TTC24: variants seen among roughly 807,000 people sequenced by gnomAD.
TTC24 encodes the protein tetratricopeptide repeat protein 24.
A neutral mutation model predicts 63.3 loss-of-function variants in TTC24; 54 were observed. That is an observed-to-expected ratio of 0.85 (90% CI 0.69 to 1.07). TTC24 has a LOEUF of 1.07. TTC24 is among the 50% of genes least tolerant of loss of function. TTC24 has a pLI of 0.00. For missense variants in TTC24, 680 were observed against 730.5 expected, an observed-to-expected ratio of 0.93 and a Z score of 0.80; for synonymous variants, 276 against 304.3, an observed-to-expected ratio of 0.91 and a Z score of 0.97.
chr1:156,584,064 G>T (rs1456980050), intron 6 of TTC24, among the ~76,000 whole-genome samples, 169 bp downstream of exon 6: 3 of 152,192 alleles, frequency 2.0e-5, no homozygotes, highest in Non-Finnish European at 4.4e-5. Context: ...AAGGGTGGGA[G>T]GTGGGTGGGG....
At position 156,581,805 on chromosome 1, in the gene TTC24, C is replaced by T. The variant is rs1389703777; in HGVS notation, c.441C>T (p.Tyr147=). The T allele has an allele frequency of 1.3e-6, 2 of 1,551,624 alleles. No individual in the cohort carries two copies. Among genetic ancestry groups the T allele is most frequent in the East Asian group, 2.4e-5 (1 of 40,932 alleles). Residue 147 remains tyrosine, a synonymous_variant, in exon 2 of 11, where the codon TAC becomes TAT. Transcript: ENST00000368236. The stretch of plus-strand genomic sequence containing the variant: ...GGTACCACAGGGCCCTGGGCCACTA[C>T]CAGCCACAGGGTGACCAGGGAGAAG... The part of the protein sequence containing the change: ...LAWYHRALGH[Y]QPQGDQGEAW...
At chr1:156,582,092 G>A (rs752928564) in intron 2 of TTC24, 22 bp downstream of exon 2, 36 of 1,464,002 alleles carry the variant, frequency 2.5e-5, no homozygotes, top group Non-Finnish European at 2.4e-5. Context: ...GGGCAGGGAA[G>A]GCATGGGATC....
At position 156,583,938 on chromosome 1, in the gene TTC24, T is replaced by C; in HGVS notation, c.1251+43T>C. ...ACAAGGAGATGGGGGTGGAGAGAGGTTACCCAGAGAAGGGGTTGGTGGTAA... is the reference window on the plus strand; with the variant it reads ...ACAAGGAGATGGGGGTGGAGAGAGGCTACCCAGAGAAGGGGTTGGTGGTAA... On this transcript the variant is annotated intron_variant, in intron 6 of 10. Coordinates refer to ENST00000368236, the MANE Select transcript of TTC24 (RefSeq NM_001105669.4). This position sits in a 1 kb window ranked among gnomAD's most constrained non-coding sequence, Gnocchi z 4.0. 6.6e-7 allele frequency: 1 copy of C among 1,508,518 alleles called. No homozygotes were observed. Among genetic ancestry groups the C allele is most frequent in the Non-Finnish European group, 9.0e-7 (1 of 1,108,168 alleles). The allele number at this position is 1,508,518 out of a possible 1,614,324, so 93.4% of individuals were successfully genotyped here.
rs1677126817 is a variant in TTC24, at chr1:156,585,326, C to A, written c.1456+95C>A. The A allele has an allele frequency of 2.2e-5, 22 of 977,812 alleles. No individual in the cohort carries two copies. The East Asian group carries it at 5.8e-4, about 26-fold the overall frequency. 60.6% of individuals were successfully genotyped at this position (977,812 alleles called of 1,614,324 possible). ...GCCTGCCTCCGCTTCTTATGCCCAT[C>A]CCACCATCCCGCCTTCCTGTTGTCA... On this transcript the variant is annotated intron_variant, in intron 8 of 10. Coordinates refer to ENST00000368236, the MANE Select transcript of TTC24 (RefSeq NM_001105669.4).
At chr1:156,585,850 C>T (rs750307895) in intron 9 of TTC24, 24 bp downstream of exon 9, 31 of 1,593,166 alleles carry the variant, frequency 1.9e-5, no homozygotes, top group Admixed American at 1.2e-4. Context: ...CCCCTGACAC[C>T]GCCCCAACTC....
In TTC24 at chr1:156,582,700, G is replaced by A. The variant is rs185503687; in HGVS notation, c.910+266G>A. Among the ~76,000 whole-genome samples the A allele has an allele frequency of 2.4e-3, 370 of 152,302 alleles. 1 individual carries two copies. The highest frequency in any genetic ancestry group is 8.4e-3 in the African/African-American group (348 of 41,560). ...CTGGCTGCGAGAGGAGGCCTGAAGC[G>A]GAGTCCAGCCCCTCTGCTGATTGTT... On this transcript the variant is annotated intron_variant, in intron 3 of 10. Coordinates refer to ENST00000368236, the MANE Select transcript of TTC24 (RefSeq NM_001105669.4).
In TTC24 at chr1:156,581,941, G is replaced by A. The variant is rs746684263; in HGVS notation, c.577G>A (p.Ala193Thr). The change falls in exon 2 of 11, where the codon GCA (alanine) becomes ACA (threonine). Residue 193 changes from alanine to threonine, a missense_variant. Transcript: ENST00000368236. ...TGCTCAAGAGAGACAGCTGCGGGCCGCAGCCCTGGCACTGGGGGCTGCGGC... is the reference window on the plus strand; with the variant it reads ...TGCTCAAGAGAGACAGCTGCGGGCCACAGCCCTGGCACTGGGGGCTGCGGC... Reference protein sequence around the residue: ...AYAQERQLRAAALALGAAAGC... With the variant: ...AYAQERQLRATALALGAAAGC... 17 of 1,539,664 alleles carry A rather than the reference G, an allele frequency of 1.1e-5. No homozygotes were observed. The highest frequency in any genetic ancestry group is 3.4e-4 in the Middle Eastern group (2 of 5,950).
In TTC24 at chr1:156,581,658, C is replaced by A; in HGVS notation, c.294C>A (p.Gly98=). 6.4e-7 allele frequency: 1 copy of A among 1,551,770 alleles called. No individual in the cohort carries two copies. Among genetic ancestry groups the A allele is most frequent in the East Asian group, 2.4e-5 (1 of 40,920 alleles). Residue 98 remains glycine (G), a synonymous_variant, in exon 2 of 11, where the codon GGC becomes GGA. Coordinates refer to ENST00000368236, the MANE Select transcript of TTC24 (RefSeq NM_001105669.4). The part of the protein sequence containing the change: ...AYVETGDPAR[G]LELLLRAHPE... The stretch of plus-strand genomic sequence containing the variant: ...TGGAGACTGGGGACCCAGCCAGAGG[C>A]CTTGAGCTACTCCTGCGAGCCCACC...
chr1:156,580,714 G>T lies in TTC24; in HGVS notation c.-4-647G>T, dbSNP rs1046953239. 1.4e-4 allele frequency among the ~76,000 whole-genome samples: 21 copies of T among 152,092 alleles called. 1 individual carries two copies. The highest frequency in any genetic ancestry group is 7.9e-4 in the Admixed American group (12 of 15,254). ...GCTGGTCTCTATCTCTTGACCTCGT[G>T]ATCTGCCCACCTCAGCCTCCCAAAA... On this transcript the variant is annotated intron_variant, in intron 1 of 10. Coordinates refer to ENST00000368236, the MANE Select transcript of TTC24 (RefSeq NM_001105669.4).
At chr1:156,580,522 G>C (rs1286525498) in intron 1 of TTC24, among the ~76,000 whole-genome samples, 1 of 152,070 alleles carries the variant, frequency 6.6e-6, no homozygotes, top group Admixed American at 6.6e-5. Context: ...CTGTCACCCA[G>C]GCTGGAGTGC....
At position 156,584,804 on chromosome 1, in the gene TTC24, T is replaced by C. The variant is rs1677105239; in HGVS notation, c.1252-73T>C. 3.9e-6 allele frequency: 4 copies of C among 1,017,620 alleles called. No individual in the cohort carries two copies. The Admixed American group carries it at 8.8e-5, about 23-fold the overall frequency. The allele number at this position is 1,017,620 out of a possible 1,614,324, so 63.0% of individuals were successfully genotyped here. ...GAATTGTCTCTATCACATAAGTCTC[T>C]GGAGGGAGCACACACGTAGCTGGGA... On this transcript the variant is annotated intron_variant, in intron 6 of 10. Transcript: ENST00000368236.
chr1:156,581,383 G>C lies in TTC24; in HGVS notation c.19G>C (p.Glu7Gln). ...CAGCCCTATGTCTTCCCCCAACCCT[G>C]AGGATGTGCCCCGGAGGCCAGAACC... MSSPNP[E>Q]DVPRRPEPEP... The change falls in exon 2 of 11, where the codon GAG becomes CAG. Residue 7 changes from glutamate to glutamine, a missense_variant. Coordinates refer to ENST00000368236, the MANE Select transcript of TTC24 (RefSeq NM_001105669.4). 1 of 1,512,946 alleles carries C rather than the reference G, an allele frequency of 6.6e-7. No homozygotes were observed. Among genetic ancestry groups the C allele is most frequent in the Non-Finnish European group, 8.9e-7 (1 of 1,128,718 alleles). 93.7% of individuals were successfully genotyped at this position (1,512,946 alleles called of 1,614,324 possible). A position where few individuals can be genotyped will look rare whatever the true frequency, so the allele number is the denominator to read the frequency against.
At position 156,582,012 on chromosome 1, in the gene TTC24, G is replaced by A; in HGVS notation, c.648G>A (p.Val216=). Residue 216 remains valine (V), a synonymous_variant, in exon 2 of 11, where the codon GTG becomes GTA. Coordinates refer to ENST00000368236, the MANE Select transcript of TTC24 (RefSeq NM_001105669.4). ...GGCGGCATCGGGTGGGGGAAGTTGT[G>A]CAGGTGCTGGAGAAAAGCCGGAGGC... ...KSGRHRVGEV[V]QVLEKSRRLA... is the part of the protein sequence containing the mutation. The A allele has an allele frequency of 6.7e-7, 1 of 1,493,408 alleles. No homozygotes were observed. The highest frequency in any genetic ancestry group is 8.9e-7 in the Non-Finnish European group (1 of 1,123,190). The allele number at this position is 1,493,408 out of a possible 1,614,324, so 92.5% of individuals were successfully genotyped here. A position where few individuals can be genotyped will look rare whatever the true frequency, so the allele number is the denominator to read the frequency against.
Position 156,581,432 on chromosome 1 carries a change from A to T in TTC24, c.68A>T (p.Lys23Ile), listed in dbSNP as rs1414003236. Reference protein sequence around the residue: ...PEPEPSSSNKKKKKRKWLRQE... With the variant: ...PEPEPSSSNKIKKKRKWLRQE... ...CCTGAGCCCTCAAGCTCCAATAAGA[A>T]AAAGAAGAAAAGAAAGTGGCTGCGG... The change falls in exon 2 of 11, where the codon AAA becomes ATA. Residue 23 changes from lysine to isoleucine, a missense_variant. Transcript: ENST00000368236. The T allele has an allele frequency of 1.9e-6, 3 of 1,548,234 alleles. No individual in the cohort carries two copies. The highest frequency in any genetic ancestry group is 2.6e-6 in the Non-Finnish European group (3 of 1,145,656).
intron 8 of TTC24, 109 bp downstream of exon 8, chr1:156,585,340 T>G (rs1437777019): frequency 2.4e-6 from 2 of 847,332 alleles, no homozygotes; most frequent in Non-Finnish European, 3.4e-6. Context: ...CCATCCCGCC[T>G]TCCTGTTGTC....
rs760234809 is a variant in TTC24 at position 156,581,417 on chromosome 1, C to T, written c.53C>T (p.Ser18Leu). The T allele has an allele frequency of 3.9e-6, 6 of 1,544,772 alleles. No individual in the cohort carries two copies. Among genetic ancestry groups the T allele is most frequent in the Non-Finnish European group, 5.2e-6 (6 of 1,143,850 alleles). ...CCCCGGAGGCCAGAACCTGAGCCCT[C>T]AAGCTCCAATAAGAAAAAGAAGAAA... ...DVPRRPEPEP[S>L]SSNKKKKKRK... Residue 18 changes from serine to leucine, a missense_variant, in exon 2 of 11, where the codon TCA becomes TTA. Ser to Leu is a moderately radical substitution (Grantham distance 145). Transcript: ENST00000368236.
At position 156,583,144 on chromosome 1, in the gene TTC24, A is replaced by T; in HGVS notation, c.1013A>T (p.His338Leu). Reference protein sequence around the residue: ...DHKAARDNYLHALQAARDSGD... With the variant: ...DHKAARDNYLLALQAARDSGD... Reference sequence around the variant, plus strand: ...AAGGCTGCCAGAGACAACTACCTGCATGCCCTGCAGGCTGCCCGGGACTCT... The same window carrying T: ...AAGGCTGCCAGAGACAACTACCTGCTTGCCCTGCAGGCTGCCCGGGACTCT... The change falls in exon 4 of 11, where the codon CAT becomes CTT. Residue 338 changes from histidine (H) to leucine (L), a missense_variant. By Grantham distance (99) the His-to-Leu change is moderately conservative. Coordinates refer to ENST00000368236, the MANE Select transcript of TTC24 (RefSeq NM_001105669.4). The surrounding 1 kb of genome is among the most constrained non-coding windows in gnomAD (Gnocchi z 4.0). 1 of 1,613,150 alleles carries T rather than the reference A, an allele frequency of 6.2e-7. No homozygotes were observed. The highest frequency in any genetic ancestry group is 8.5e-7 in the Non-Finnish European group (1 of 1,179,616).
chr1:156,582,361 C>G lies in TTC24; in HGVS notation c.837C>G (p.Leu279=). ...AGCAGGCCACAGTGCTAAGAAACCT[C>G]GGGATGGCCCACAATGCCCTCGGCA... The part of the protein sequence containing the change: ...PGEQATVLRN[L]GMAHNALGNY... The change falls in exon 3 of 11, where the codon CTC becomes CTG. Residue 279 remains leucine (L), a synonymous_variant. Coordinates refer to ENST00000368236, the MANE Select transcript of TTC24 (RefSeq NM_001105669.4). 1 of 1,612,822 alleles carries G rather than the reference C, an allele frequency of 6.2e-7. No individual in the cohort carries two copies. The highest frequency in any genetic ancestry group is 8.5e-7 in the Non-Finnish European group (1 of 1,179,432).
Position 156,586,808 on chromosome 1 carries a change from T to C in TTC24, c.*258T>C. 2.8e-6 allele frequency: 1 copy of C among 361,282 alleles called. No individual in the cohort carries two copies. Among genetic ancestry groups the C allele is most frequent in the Non-Finnish European group, 5.1e-6 (1 of 195,384 alleles). The allele number at this position is 361,282 out of a possible 1,614,324, so 22.4% of individuals were successfully genotyped here. ...GAAAATGGATGGCAAATTCCCTGTC[T>C]TTCTGAATCCAAATCTTACGATTGC... is the stretch of plus-strand genomic sequence containing the variant. On this transcript the variant is annotated 3_prime_UTR_variant, in exon 11 of 11. Coordinates refer to ENST00000368236, the MANE Select transcript of TTC24 (RefSeq NM_001105669.4).
Sources: allele counts gnomAD v4.1 joint callset (sites outside exome capture counted in the v4.1 genomes callset), GRCh38; gene constraint gnomAD v4.1.1; non-coding constraint Gnocchi (gnomAD v3.1); transcripts MANE v1.5; gene names NCBI Gene and HGNC (gene_info 2026-07-23, HGNC 2026-07-21).